The following LGALS3BP variants were observed in gnomAD, a reference collection of about 807,000 sequenced individuals.
LGALS3BP encodes galectin-3-binding protein.
LGALS3BP carries 25 observed loss-of-function variants against 22.9 expected under a neutral mutation model. The observed-to-expected ratio is 1.09, with a 90% CI of 0.80 to 1.53. The LOEUF (loss-of-function observed/expected upper bound fraction) is 1.53. Ranked by LOEUF, LGALS3BP falls within the 40% of genes most tolerant of loss-of-function variation. LGALS3BP has a pLI of 0.00. For synonymous variants in LGALS3BP, 335 were observed against 331.1 expected (o/e 1.01, Z -0.13); for missense variants, 718 against 752.0 (o/e 0.95, Z 0.53).
chr17:78,975,791 CAAAAAAAAAAAAAAAAAAA>C (rs60470107), intron 3 of LGALS3BP, among the ~76,000 whole-genome samples, 155 bp downstream of exon 3: 2 of 52,248 alleles, frequency 3.8e-5, no homozygotes, highest in African/African-American at 1.4e-4. Context: ...GACTCCATCT[CAAAAAAAAAAAAAAAAAAA>C]AAAAAAAAAA....
chr17:78,973,209 G>A lies in LGALS3BP; in HGVS notation c.390C>T (p.Thr130=). 1 of 1,547,748 alleles carries A rather than the reference G, an allele frequency of 6.5e-7. No homozygotes were observed. The highest frequency in any genetic ancestry group is 1.2e-5 in the South Asian group (1 of 85,876). The change falls in exon 5 of 6, where the codon ACC becomes ACT. Residue 130 remains threonine (T), a synonymous_variant. Transcript: ENST00000262776. The surrounding 1 kb of genome is among the most constrained non-coding windows in gnomAD (Gnocchi z 5.8). ...GVVCTNETRS[T]HTLDLSRELS... is the part of the protein sequence containing the mutation. ...GCTCCCTGGAGAGGTCCAGGGTGTG[G>A]GTGCTCCTGGTTTCTAAGAAGGGGC... is the stretch of plus-strand genomic sequence containing the variant.
At position 78,972,789 on chromosome 17, in the gene LGALS3BP, G is replaced by C. The variant is rs1411750082; in HGVS notation, c.630-85C>G. Reference sequence around the variant, plus strand: ...CCAACTGTCCAACACAGCCACCTGAGTGCACACAGTGTGGGAGTGAGCATG... The same window carrying C: ...CCAACTGTCCAACACAGCCACCTGACTGCACACAGTGTGGGAGTGAGCATG... On this transcript the variant is annotated intron_variant, in intron 5 of 5. Coordinates refer to ENST00000262776, the MANE Select transcript of LGALS3BP (RefSeq NM_005567.4). The surrounding 1 kb of genome is among the most constrained non-coding windows in gnomAD (Gnocchi z 5.1). The C allele has an allele frequency of 2.0e-6, 3 of 1,474,600 alleles. No homozygotes were observed. The South Asian group carries it at 4.1e-5, about 20-fold the overall frequency. The allele number at this position is 1,474,600 out of a possible 1,614,324, so 91.3% of individuals were successfully genotyped here.
Position 78,973,034 on chromosome 17 carries a change from G to T in LGALS3BP, c.565C>A (p.Pro189Thr). Residue 189 changes from proline (P) to threonine (T), a missense_variant, in exon 5 of 6, where the codon CCG (proline) becomes ACG (threonine). Coordinates refer to ENST00000262776, the MANE Select transcript of LGALS3BP (RefSeq NM_005567.4). This position sits in a 1 kb window ranked among gnomAD's most constrained non-coding sequence, Gnocchi z 5.8. ...NLEAQALWKE[P>T]GSNVTMSVDA... Reference sequence around the variant, plus strand: ...ACACTCATGGTGACATTGCTGCCCGGCTCCTTCCACAGGGCCTGGGCCTCC... The same window carrying T: ...ACACTCATGGTGACATTGCTGCCCGTCTCCTTCCACAGGGCCTGGGCCTCC... The T allele has an allele frequency of 6.2e-7, 1 of 1,613,884 alleles. No individual in the cohort carries two copies. The highest frequency in any genetic ancestry group is 8.5e-7 in the Non-Finnish European group (1 of 1,179,980).
Position 78,972,690 on chromosome 17 carries a change from C to T in LGALS3BP, c.644G>A (p.Arg215Gln), listed in dbSNP as rs375292471. The change falls in exon 6 of 6, where the codon CGA becomes CAA. Residue 215 changes from arginine to glutamine, a missense_variant. Transcript: ENST00000262776. This position sits in a 1 kb window ranked among gnomAD's most constrained non-coding sequence, Gnocchi z 5.1. ...TGACGACAGGGTGATGTCAATCCTT[C>T]GGGAGTAGAAGTACCTGGGGAGAAA... ...VRDLLRYFYS[R>Q]RIDITLSSVK... 9.9e-6 allele frequency: 15 copies of T among 1,517,302 alleles called. 1 individual carries two copies. Among genetic ancestry groups the T allele is most frequent in the South Asian group, 5.3e-5 (4 of 75,616 alleles). The allele number at this position is 1,517,302 out of a possible 1,614,324, so 94.0% of individuals were successfully genotyped here.
At chr17:78,979,212 C>T (rs1285792678) in intron 1 of LGALS3BP, among the ~76,000 whole-genome samples, 1 of 152,260 alleles carries the variant, frequency 6.6e-6, no homozygotes, top group Non-Finnish European at 1.5e-5. Context: ...AAAAAAGGTG[C>T]TCTTCCTTGG....
intron 4 of LGALS3BP, among the ~76,000 whole-genome samples, chr17:78,974,065 C>G (rs568290200): frequency 5.2e-5 from 8 of 152,394 alleles, no homozygotes; most frequent in African/African-American, 1.9e-4. Context: ...ACTTGTCCAT[C>G]CCATGTGGGC....
At position 78,972,140 on chromosome 17, in the gene LGALS3BP, G is replaced by C. The variant is rs923974095; in HGVS notation, c.1194C>G (p.Asn398Lys). The part of the protein sequence containing the change: ...FQLLARYKGL[N>K]LTEDTYKPRI... ...GGGGCTTGTAGGTATCCTCGGTGAGGTTCAGGCCTTTGTACCGGGCCAGCA... is the reference window on the plus strand; with the variant it reads ...GGGGCTTGTAGGTATCCTCGGTGAGCTTCAGGCCTTTGTACCGGGCCAGCA... The change falls in exon 6 of 6, where the codon AAC becomes AAG. Residue 398 changes from asparagine to lysine, a missense_variant. Asn to Lys is a moderately conservative substitution (Grantham distance 94). Coordinates refer to ENST00000262776, the MANE Select transcript of LGALS3BP (RefSeq NM_005567.4). This position sits in a 1 kb window ranked among gnomAD's most constrained non-coding sequence, Gnocchi z 5.1. The C allele has an allele frequency of 6.2e-7, 1 of 1,613,792 alleles. No homozygotes were observed. The highest frequency in any genetic ancestry group is 1.7e-5 in the Admixed American group (1 of 60,002).
rs1021239943 is a variant in LGALS3BP at position 78,971,347 on chromosome 17, C to T, written c.*229G>A. 1.6e-5 allele frequency: 9 copies of T among 562,658 alleles called. No individual in the cohort carries two copies. The highest frequency in any genetic ancestry group is 5.9e-5 in the East Asian group (2 of 34,168). The allele number at this position is 562,658 out of a possible 1,614,324, so 34.9% of individuals were successfully genotyped here. The stretch of plus-strand genomic sequence containing the variant: ...GGGGATCCCAGAGCAACCTCGAGGG[C>T]GTCCTGGTGCTTACCACCTGGAAAC... On this transcript the variant is annotated 3_prime_UTR_variant, in exon 6 of 6. Coordinates refer to ENST00000262776, the MANE Select transcript of LGALS3BP (RefSeq NM_005567.4). The surrounding 1 kb of genome is among the most constrained non-coding windows in gnomAD (Gnocchi z 5.6).
At position 78,973,329 on chromosome 17, in the gene LGALS3BP, C is replaced by T. The variant is rs1438744962; in HGVS notation, c.377-107G>A. 7.7e-7 allele frequency: 1 copy of T among 1,296,194 alleles called. No homozygotes were observed. The highest frequency in any genetic ancestry group is 1.5e-5 in the African/African-American group (1 of 66,950). 80.3% of individuals were successfully genotyped at this position (1,296,194 alleles called of 1,614,324 possible). A position where few individuals can be genotyped will look rare whatever the true frequency, so the allele number is the denominator to read the frequency against. On this transcript the variant is annotated intron_variant, in intron 4 of 5. Transcript: ENST00000262776. This position sits in a 1 kb window ranked among gnomAD's most constrained non-coding sequence, Gnocchi z 5.8. ...GTGAGGGATTTGTGGCTGCCTCATT[C>T]ACTCTGGAAGGCTCCTGGGAAGACG...
chr17:78,978,130 CT>C (rs2070736062), intron 1 of LGALS3BP, among the ~76,000 whole-genome samples: 1 of 152,200 alleles, frequency 6.6e-6, no homozygotes, highest in African/African-American at 2.4e-5. Flanking sequence ...CTGGGTGGCA[CT>C]GCTGTGGGCA....
intron 1 of LGALS3BP, among the ~76,000 whole-genome samples, chr17:78,977,866 G>A (rs1469574023): frequency 6.6e-6 from 1 of 152,240 alleles, no homozygotes; most frequent in Non-Finnish European, 1.5e-5. Context: ...GGGTGGGCCA[G>A]GCTGGGGGAA....
At chr17:78,975,503 T>A (rs925662321) in intron 3 of LGALS3BP, among the ~76,000 whole-genome samples, 1 of 152,088 alleles carries the variant, frequency 6.6e-6, no homozygotes, top group Non-Finnish European at 1.5e-5. Context: ...TCAGCACCAT[T>A]GAAAATGTTT....
Position 78,971,331 on chromosome 17 carries a change from A to T in LGALS3BP, c.*245T>A. Reference sequence around the variant, plus strand: ...TGACCAGGGGCTGTGGGGGGATCCCAGAGCAACCTCGAGGGCGTCCTGGTG... The same window carrying T: ...TGACCAGGGGCTGTGGGGGGATCCCTGAGCAACCTCGAGGGCGTCCTGGTG... On this transcript the variant is annotated 3_prime_UTR_variant, in exon 6 of 6. Transcript: ENST00000262776. This position sits in a 1 kb window ranked among gnomAD's most constrained non-coding sequence, Gnocchi z 5.6. 2 of 550,070 alleles carry T rather than the reference A, an allele frequency of 3.6e-6. No individual in the cohort carries two copies. The highest frequency in any genetic ancestry group is 6.5e-6 in the Non-Finnish European group (2 of 308,612). The allele number at this position is 550,070 out of a possible 1,614,324, so 34.1% of individuals were successfully genotyped here.
chr17:78,974,260 A>C (rs947407528), intron 4 of LGALS3BP, among the ~76,000 whole-genome samples: 3 of 152,232 alleles, frequency 2.0e-5, no homozygotes, highest in East Asian at 1.9e-4. Flanking sequence ...GTTCCCTCCA[A>C]ACTGGGCCAG....
chr17:78,972,666 G>C lies in LGALS3BP; in HGVS notation c.668C>G (p.Ser223Ter), dbSNP rs772018634. ...GGCCAGCTTGTGGAAGCACTTGACT[G>C]ACGACAGGGTGATGTCAATCCTTCG... The part of the protein sequence containing the change: ...YSRRIDITLS[S>*]VKCFHKLASA... The change falls in exon 6 of 6, where the codon TCA (serine) becomes TGA (stop). Residue 223 changes from serine (S) to a stop codon, truncating the protein, a stop_gained. Coordinates refer to ENST00000262776, the MANE Select transcript of LGALS3BP (RefSeq NM_005567.4). LOFTEE classifies it low-confidence loss of function (END_TRUNC). The surrounding 1 kb of genome is among the most constrained non-coding windows in gnomAD (Gnocchi z 5.1). 7 of 1,524,858 alleles carry C rather than the reference G, an allele frequency of 4.6e-6. No individual in the cohort carries two copies. The highest frequency in any genetic ancestry group is 2.1e-5 in the Admixed American group (1 of 46,794). The allele number at this position is 1,524,858 out of a possible 1,614,324, so 94.5% of individuals were successfully genotyped here. A position where few individuals can be genotyped will look rare whatever the true frequency, so the allele number is the denominator to read the frequency against.
chr17:78,975,791 C>CAAAA lies in LGALS3BP; in HGVS notation c.244+170_244+173dup, dbSNP rs60470107. Among the ~76,000 whole-genome samples the CAAAA allele has an allele frequency of 1.1e-3, 60 of 52,254 alleles. 5 individuals carry two copies. In the East Asian group the frequency reaches 0.014, roughly 12 times the overall value. 34.3% of individuals were successfully genotyped at this position (52,254 alleles called of 152,430 possible). On this transcript the variant is annotated intron_variant, in intron 3 of 5. Coordinates refer to ENST00000262776, the MANE Select transcript of LGALS3BP (RefSeq NM_005567.4). ...TGGGCAACAGAGCGAGACTCCATCT[C>CAAAA]AAAAAAAAAAAAAAAAAAAAAAAAA...
rs764292028 is a variant in LGALS3BP, at chr17:78,972,392, C to T, written c.942G>A (p.Ala314=). Residue 314 remains alanine (A), a synonymous_variant, in exon 6 of 6, where the codon GCG becomes GCA. Coordinates refer to ENST00000262776, the MANE Select transcript of LGALS3BP (RefSeq NM_005567.4). The surrounding 1 kb of genome is among the most constrained non-coding windows in gnomAD (Gnocchi z 5.1). ...TCAGTAGGGCCAGCTCGCTGGGCAC[C>T]GCCAGGTCGCTCCTGGGCAGCAGCA... ...LQLLLPRSDL[A]VPSELALLKA... is the part of the protein sequence containing the mutation. 2.9e-5 allele frequency: 46 copies of T among 1,613,472 alleles called. No homozygotes were observed. In the Admixed American group the frequency reaches 6.3e-4, roughly 22 times the overall value.
Position 78,976,823 on chromosome 17 carries a change from T to A in LGALS3BP, c.52+317A>T. Reference sequence around the variant, plus strand: ...GCCAGGACCCTCTGGAAGACTGACCTGCGTCCAAGGCCACTGACCTCACAA... The same window carrying A: ...GCCAGGACCCTCTGGAAGACTGACCAGCGTCCAAGGCCACTGACCTCACAA... On this transcript the variant is annotated intron_variant, in intron 2 of 5. Coordinates refer to ENST00000262776, the MANE Select transcript of LGALS3BP (RefSeq NM_005567.4). The surrounding 1 kb of genome is among the most constrained non-coding windows in gnomAD (Gnocchi z 4.6). 1 of 374,126 alleles carries A rather than the reference T, an allele frequency of 2.7e-6. No individual in the cohort carries two copies. The highest frequency in any genetic ancestry group is 4.9e-6 in the Non-Finnish European group (1 of 202,714). 23.2% of individuals were successfully genotyped at this position (374,126 alleles called of 1,614,324 possible). A position where few individuals can be genotyped will look rare whatever the true frequency, so the allele number is the denominator to read the frequency against.
rs762231663 is a variant in LGALS3BP at position 78,973,234 on chromosome 17, C to A, written c.377-12G>T. 56 of 1,509,568 alleles carry A rather than the reference C, an allele frequency of 3.7e-5. No individual in the cohort carries two copies. The highest frequency in any genetic ancestry group is 5.0e-5 in the Non-Finnish European group (56 of 1,126,794). The allele number at this position is 1,509,568 out of a possible 1,614,324, so 93.5% of individuals were successfully genotyped here. On this transcript the variant is annotated splice_polypyrimidine_tract_variant and intron_variant, in intron 4 of 5. Coordinates refer to ENST00000262776, the MANE Select transcript of LGALS3BP (RefSeq NM_005567.4). The surrounding 1 kb of genome is among the most constrained non-coding windows in gnomAD (Gnocchi z 5.8). ...GGTGCTCCTGGTTTCTAAGAAGGGG[C>A]GGGAGGGAAGTGGGCTGCGTTAGGA... is the stretch of plus-strand genomic sequence containing the variant.
Sources: gnomAD v4.1 joint callset for allele counts (sites outside exome capture counted in the v4.1 genomes callset) on GRCh38, gnomAD v4.1.1 for gene constraint, Gnocchi (gnomAD v3.1) non-coding constraint, MANE v1.5 for transcripts, NCBI Gene and HGNC (gene_info 2026-07-23, HGNC 2026-07-21) for gene names.